MLH3: variants seen among roughly 807,000 people sequenced by gnomAD.
MLH3 encodes mutL homolog 3, also known as DNA mismatch repair protein Mlh3.
A neutral mutation model predicts 122.2 loss-of-function variants in MLH3; 82 were observed. That is an observed-to-expected ratio of 0.67 (90% confidence interval 0.56 to 0.81). The LOEUF (loss-of-function observed/expected upper bound fraction) is 0.81. Among genes scored for constraint, MLH3 ranks in the 30% least tolerant of loss-of-function variants. The pLI, the probability that MLH3 is intolerant of heterozygous loss-of-function variation, is 0.00. For missense variants in MLH3, 1,539 were observed against 1,714.5 expected (o/e 0.90, Z 1.81); for synonymous variants, 524 against 599.5 (o/e 0.87, Z 1.84).
rs1239170271 is a variant in MLH3, at chr14:75,014,354, T to TA, written c.*2727dup. ...AGGTCCCCAGCCAGGTTCTGGATGT[T>TA]ACCCAAGCCCCCTCCCCATTCTCCA... On this transcript the variant is annotated 3_prime_UTR_variant, in exon 13 of 13. Coordinates refer to ENST00000355774, the MANE Select transcript of MLH3 (RefSeq NM_001040108.2). 5 of 177,022 alleles carry TA rather than the reference T, an allele frequency of 2.8e-5. No homozygotes were observed. The East Asian group carries it at 4.8e-4, about 17-fold the overall frequency. The allele number at this position is 177,022 out of a possible 1,614,324, so 11.0% of individuals were successfully genotyped here.
chr14:75,018,685 C>T (rs1295975255), intron 12 of MLH3, 144 bp downstream of exon 12: 1 of 876,152 alleles, frequency 1.1e-6, no homozygotes, highest in African/African-American at 1.6e-5. Flanking sequence ...ATGGGTGAGG[C>T]TTTATGTGAA....
Position 75,047,395 on chromosome 14 carries a change from A to G in MLH3, c.2261T>C (p.Leu754Ser). 1 of 1,614,054 alleles carries G rather than the reference A, an allele frequency of 6.2e-7. No homozygotes were observed. Among genetic ancestry groups the G allele is most frequent in the Non-Finnish European group, 8.5e-7 (1 of 1,179,984 alleles). Residue 754 changes from leucine (L) to serine (S), a missense_variant, in exon 2 of 13, where the codon TTA (leucine) becomes TCA (serine). By Grantham distance (145) the Leu-to-Ser change is moderately radical. Transcript: ENST00000355774. ...CCCATATTGCCTCTTAAACTTCTCT[A>G]AAGATCCTAGCTGTGAACTCAAGCT... ...KLSLSSQLGS[L>S]EKFKRQYGKV...
intron 9 of MLH3, among the ~76,000 whole-genome samples, chr14:75,023,880 C>G (rs943551026): frequency 1.3e-5 from 2 of 152,170 alleles, no homozygotes; most frequent in African/African-American, 2.4e-5. Flanking sequence ...CATCTATACT[C>G]TAGTCTGCCA....
chr14:75,018,715 C>T (rs1056038419), intron 12 of MLH3, 114 bp downstream of exon 12: 14 of 1,288,912 alleles, frequency 1.1e-5, no homozygotes, highest in Admixed American at 8.7e-5. Context: ...GCAGATTTTG[C>T]AAAACTCTCC....
intron 9 of MLH3, among the ~76,000 whole-genome samples, chr14:75,023,613 T>G (rs1031622973): frequency 7.9e-5 from 12 of 152,196 alleles, no homozygotes; most frequent in African/African-American, 2.9e-4. Context: ...GGGTAACCTT[T>G]TCAATAGTTA....
At chr14:75,021,121 T>A (rs749631133) in intron 11 of MLH3, among the ~76,000 whole-genome samples, 2 of 152,190 alleles carry the variant, frequency 1.3e-5, no homozygotes, top group South Asian at 4.1e-4. Flanking sequence ...AGGTGATCCA[T>A]CCGCCTTGGT....
rs1892251952 is a variant in MLH3 at position 75,046,700 on chromosome 14, C to T, written c.2956G>A (p.Val986Ile). ...NSKVTGKDSDVLIRASEQQIG... is the reference protein window; with the variant it reads ...NSKVTGKDSDILIRASEQQIG... ...TGTTGTTCTGAGGCTCTGATAAGAA[C>T]ATCTGAATCTTTACCGGTAACTTTA... Residue 986 changes from valine (V) to isoleucine (I), a missense_variant, in exon 2 of 13, where the codon GTT (valine) becomes ATT (isoleucine). Coordinates refer to ENST00000355774, the MANE Select transcript of MLH3 (RefSeq NM_001040108.2). 1 of 1,614,170 alleles carries T rather than the reference C, an allele frequency of 6.2e-7. No homozygotes were observed. Among genetic ancestry groups the T allele is most frequent in the Non-Finnish European group, 8.5e-7 (1 of 1,180,006 alleles).
chr14:75,045,313 AGAGT>A (rs1387641186), intron 2 of MLH3, among the ~76,000 whole-genome samples: 2 of 152,192 alleles, frequency 1.3e-5, no homozygotes, highest in Non-Finnish European at 1.5e-5. Flanking sequence ...CTGGGCAACA[AGAGT>A]GAAACTCTGT....
intron 11 of MLH3, chr14:75,020,953 T>A (rs1202833808): frequency 6.6e-6 from 1 of 152,152 alleles, no homozygotes; most frequent in Non-Finnish European, 1.5e-5. Flanking sequence ...ATTGGCTCAC[T>A]GCAACCTCTA....
intron 9 of MLH3, 77 bp from the exon 10 acceptor site, chr14:75,023,095 A>C: frequency 6.6e-7 from 1 of 1,512,428 alleles, no homozygotes; most frequent in Non-Finnish European, 9.2e-7. Flanking sequence ...AAAATATCTC[A>C]ATTTTCTTCT....
In MLH3 at chr14:75,047,314, T is replaced by C. The variant is rs1892311629; in HGVS notation, c.2342A>G (p.Asn781Ser). 1.2e-6 allele frequency: 2 copies of C among 1,614,136 alleles called. No homozygotes were observed. Among genetic ancestry groups the C allele is most frequent in the African/African-American group, 1.3e-5 (1 of 75,062 alleles). Residue 781 changes from asparagine (N) to serine (S), a missense_variant, in exon 2 of 13, where the codon AAT becomes AGT. Coordinates refer to ENST00000355774, the MANE Select transcript of MLH3 (RefSeq NM_001040108.2). ...EVEESNGVTT[N>S]LSLQVEPDIL... ...GTCAGGTTCAACTTGAAGACTGAGA[T>C]TGGTAGTGACTCCATTACTTTCCTC...
In MLH3 at chr14:75,048,593, C is replaced by T; in HGVS notation, c.1063G>A (p.Val355Met). 6.2e-7 allele frequency: 1 copy of T among 1,613,994 alleles called. No individual in the cohort carries two copies. Among genetic ancestry groups the T allele is most frequent in the Non-Finnish European group, 8.5e-7 (1 of 1,179,972 alleles). ...TTAATATCCTCACCTGATAATTCCA[C>T]AAATAATTTTTCTTGCTTTAAAAAC... ...KMFLKQEKLF[V>M]ELSGEDIKEF... Residue 355 changes from valine (V) to methionine (M), a missense_variant, in exon 2 of 13, where the codon GTG (valine) becomes ATG (methionine). Transcript: ENST00000355774.
At chr14:75,029,893 T>A (rs1188281527) in intron 9 of MLH3, among the ~76,000 whole-genome samples, 2 of 151,558 alleles carry the variant, frequency 1.3e-5, no homozygotes, top group African/African-American at 4.9e-5. Context: ...ATGCCTGTAG[T>A]GCCGGGGGTT....
At position 75,047,320 on chromosome 14, in the gene MLH3, G is replaced by T. The variant is rs757053892; in HGVS notation, c.2336C>A (p.Thr779Asn). The change falls in exon 2 of 13, where the codon ACT becomes AAT. Residue 779 changes from threonine to asparagine, a missense_variant. Physicochemically the swap from Thr to Asn is moderately conservative, Grantham distance 65 (BLOSUM62 0). Transcript: ENST00000355774. ...DTEVEESNGV[T>N]TNLSLQVEPD... Reference sequence around the variant, plus strand: ...TTCAACTTGAAGACTGAGATTGGTAGTGACTCCATTACTTTCCTCTACTTC... The same window carrying T: ...TTCAACTTGAAGACTGAGATTGGTATTGACTCCATTACTTTCCTCTACTTC... 6.8e-6 allele frequency: 11 copies of T among 1,614,074 alleles called. No individual in the cohort carries two copies. The Admixed American group carries it at 1.8e-4, about 27-fold the overall frequency.
chr14:75,031,754 C>T (rs1277143830), intron 8 of MLH3, among the ~76,000 whole-genome samples: 1 of 152,174 alleles, frequency 6.6e-6, no homozygotes, highest in Non-Finnish European at 1.5e-5. Flanking sequence ...GTGGAGGTTG[C>T]AGTGAGCAGA....
At chr14:75,041,206 C>A (rs1891830788) in intron 4 of MLH3, among the ~76,000 whole-genome samples, 1 of 152,200 alleles carries the variant, frequency 6.6e-6, no homozygotes, top group African/African-American at 2.4e-5. Context: ...GTAGCTGAGA[C>A]TATAAGTGCA....
rs534270968 is a variant in MLH3 at position 75,038,362 on chromosome 14, C to G, written c.3621G>C (p.Lys1207Asn). Residue 1207 changes from lysine (K) to asparagine (N), a missense_variant, in exon 6 of 13, where the codon AAG (lysine) becomes AAC (asparagine). Lys to Asn is a moderately conservative substitution (Grantham distance 94, BLOSUM62 0). Transcript: ENST00000355774. ...TACCTGCCTCGCCATTCTCTTCAGTCTTAGTGCTCATCAAACAGGCAATAA... is the reference window on the plus strand; with the variant it reads ...TACCTGCCTCGCCATTCTCTTCAGTGTTAGTGCTCATCAAACAGGCAATAA... ...NKFIACLMST[K>N]TEENGEAGGN... 6.2e-7 allele frequency: 1 copy of G among 1,613,848 alleles called. No homozygotes were observed. Among genetic ancestry groups the G allele is most frequent in the African/African-American group, 1.3e-5 (1 of 75,026 alleles).
chr14:75,049,919 T>G (rs916091893), intron 1 of MLH3, among the ~76,000 whole-genome samples: 16 of 152,174 alleles, frequency 1.1e-4, no homozygotes, highest in African/African-American at 3.9e-4. Context: ...AATTCATAAT[T>G]TCATAATTTT....
Position 75,013,903 on chromosome 14 carries a change from TAA to T in MLH3, c.*3177_*3178del. On this transcript the variant is annotated 3_prime_UTR_variant, in exon 13 of 13. Coordinates refer to ENST00000355774, the MANE Select transcript of MLH3 (RefSeq NM_001040108.2). ...TGATGAGCAGCTTCAGCTTAGAGGG[TAA>T]AGACAGGCATGATCGCGACTGGCCA... The T allele has an allele frequency of 4.8e-6, 1 of 209,136 alleles. No homozygotes were observed. Among genetic ancestry groups the T allele is most frequent in the Non-Finnish European group, 9.7e-6 (1 of 102,716 alleles). The allele number at this position is 209,136 out of a possible 1,614,324, so 13.0% of individuals were successfully genotyped here. A position where few individuals can be genotyped will look rare whatever the true frequency, so the allele number is the denominator to read the frequency against.
Sources: allele counts gnomAD v4.1 joint callset (sites outside exome capture counted in the v4.1 genomes callset), GRCh38; gene constraint gnomAD v4.1.1; transcripts MANE v1.5; gene names NCBI Gene and HGNC (gene_info 2026-07-23, HGNC 2026-07-21).